RBFOX1: variants seen among roughly 807,000 people sequenced by gnomAD.
RBFOX1 encodes the protein RNA binding fox-1 homolog 1.
Under a neutral mutation model 57.7 loss-of-function variants are expected in RBFOX1, and 8 were observed. The ratio of observed to expected loss-of-function variants is 0.14; its 90% confidence interval spans 0.08 to 0.25. The LOEUF is 0.25. RBFOX1 is among the 10% of genes least tolerant of loss of function. The pLI is 1.00. For synonymous variants in RBFOX1, 326 were observed against 222.4 expected, an observed-to-expected ratio of 1.47 and a Z score of -4.15; for missense variants, 611 against 548.5, an observed-to-expected ratio of 1.11 and a Z score of -1.14.
chr16:5,384,852 A>G (rs1405709616), intron 1 of RBFOX1, among the ~76,000 whole-genome samples: 1 of 152,180 alleles, frequency 6.6e-6, no homozygotes, highest in Non-Finnish European at 1.5e-5. Context: ...TATTCATCGT[A>G]GTGATTCCTA....
At chr16:5,697,657 C>G (rs1469545466) in intron 3 of RBFOX1, among the ~76,000 whole-genome samples, 1 of 151,390 alleles carries the variant, frequency 6.6e-6, no homozygotes. Flanking sequence ...CCTCAGCCCT[C>G]CAAGTAGCTA....
At chr16:7,165,769 C>G (rs1236298954) in intron 4 of RBFOX1, among the ~76,000 whole-genome samples, 2 of 151,994 alleles carry the variant, frequency 1.3e-5, no homozygotes, top group Non-Finnish European at 2.9e-5. Flanking sequence ...TTCTCCAATT[C>G]TTAGACCTGT....
At chr16:6,968,266 T>G (rs1380469410) in intron 3 of RBFOX1, among the ~76,000 whole-genome samples, 1 of 152,238 alleles carries the variant, frequency 6.6e-6, no homozygotes, top group African/African-American at 2.4e-5. Context: ...CCAGGCAAGC[T>G]GTCACTTGGA....
chr16:7,526,289 C>G (rs1289043451), intron 5 of RBFOX1, among the ~76,000 whole-genome samples: 1 of 152,176 alleles, frequency 6.6e-6, no homozygotes, highest in Non-Finnish European at 1.5e-5. Flanking sequence ...CCTAGAGGAT[C>G]TCTTGACCAA....
At chr16:5,983,675 C>A (rs2060219042) in intron 4 of RBFOX1, among the ~76,000 whole-genome samples, 1 of 152,162 alleles carries the variant, frequency 6.6e-6, no homozygotes, top group African/African-American at 2.4e-5. Context: ...CAACCTCCAT[C>A]CTGCTTGGGG....
chr16:6,484,011 G>A (rs1039199290), intron 2 of RBFOX1: 9 of 902,924 alleles, frequency 1.0e-5, no homozygotes, highest in Non-Finnish European at 1.2e-5. Context: ...CACTTGGAGA[G>A]GGCTAGGGGG....
intron 1 of RBFOX1, among the ~76,000 whole-genome samples, chr16:6,022,648 A>T: frequency 6.6e-6 from 1 of 152,194 alleles, no homozygotes; most frequent in East Asian, 1.9e-4. Context: ...ACGCCACTGC[A>T]CTCCAGCCTG....
intron 3 of RBFOX1, among the ~76,000 whole-genome samples, chr16:7,015,075 C>T (rs2093841021): frequency 6.6e-6 from 1 of 152,144 alleles, no homozygotes; most frequent in Non-Finnish European, 1.5e-5. Context: ...TTATCTTTTT[C>T]TTGCATTATG....
intron 2 of RBFOX1, among the ~76,000 whole-genome samples, chr16:6,481,726 A>G (rs991905410): frequency 5.9e-5 from 9 of 152,154 alleles, no homozygotes; most frequent in Non-Finnish European, 1.2e-4. Context: ...AATAGTAGGG[A>G]GTGGAGCATG....
chr16:6,141,686 C>T (rs1192899328), intron 1 of RBFOX1, among the ~76,000 whole-genome samples: 2 of 151,952 alleles, frequency 1.3e-5, no homozygotes, highest in African/African-American at 4.8e-5. Flanking sequence ...AATTCTCTTA[C>T]TGTAATATTA....
intron 3 of RBFOX1, among the ~76,000 whole-genome samples, chr16:6,752,977 A>G (rs973892977): frequency 6.6e-6 from 1 of 152,202 alleles, no homozygotes; most frequent in African/African-American, 2.4e-5. Flanking sequence ...GAGAAGGGAA[A>G]AATACAAATG....
At chr16:6,104,851 T>C (rs1241952851) in intron 1 of RBFOX1, among the ~76,000 whole-genome samples, 1 of 152,240 alleles carries the variant, frequency 6.6e-6, no homozygotes, top group African/African-American at 2.4e-5. Context: ...GACTACTTAT[T>C]ATGAGATTCC....
intron 3 of RBFOX1, among the ~76,000 whole-genome samples, chr16:5,834,661 TG>T (rs1339843767): frequency 2.0e-5 from 3 of 149,348 alleles, no homozygotes; most frequent in Non-Finnish European, 4.5e-5. Context: ...TAACCAGTAG[TG>T]GGATTGCTGG....
intron 3 of RBFOX1, among the ~76,000 whole-genome samples, chr16:6,911,032 C>A (rs187748886): frequency 6.6e-6 from 1 of 151,986 alleles, no homozygotes; most frequent in Non-Finnish European, 1.5e-5. Context: ...GAAACCCCGT[C>A]TCTACCAAAA....
Position 7,139,235 on chromosome 16 carries a change from C to T in RBFOX1, c.27+87137C>T, listed in dbSNP as rs570862933. Among the ~76,000 whole-genome samples the T allele has an allele frequency of 1.8e-3, 257 of 146,536 alleles. 1 individual carries two copies. The highest frequency in any genetic ancestry group is 6.5e-3 in the African/African-American group (251 of 38,552). ...TTGTGTGTGTGTGTGTCTGCTCCTC[C>T]TCTCTTCTCTTTCTTTTTCTATTTT... On this transcript the variant is annotated intron_variant, in intron 4 of 15. Transcript: ENST00000550418.
chr16:7,506,577 CCTT>C (rs200941581), intron 4 of RBFOX1, among the ~76,000 whole-genome samples: 3,566 of 144,922 alleles, frequency 0.025, 68 homozygotes, highest in African/African-American at 0.053. Flanking sequence ...ATTACCATCA[CCTT>C]CATCATCATC....
intron 2 of RBFOX1, among the ~76,000 whole-genome samples, chr16:6,512,848 G>A (rs544910427): frequency 6.6e-6 from 1 of 152,248 alleles, no homozygotes; most frequent in East Asian, 1.9e-4. Context: ...ATCCAATGCT[G>A]GCCCATGAAG....
At chr16:7,286,616 A>ATT (rs61621368) in intron 4 of RBFOX1, among the ~76,000 whole-genome samples, 1,270 of 90,868 alleles carry the variant, frequency 0.014, 33 homozygotes, top group Middle Eastern at 0.032. Flanking sequence ...GGACTGGCTA[A>ATT]TTTTTTTTTT....
chr16:6,346,630 C>T lies in RBFOX1; in HGVS notation c.-64+29573C>T, dbSNP rs78670827. On this transcript the variant is annotated intron_variant, in intron 2 of 15. Transcript: ENST00000550418. The stretch of plus-strand genomic sequence containing the variant: ...CTGGTTCCGATGGCAGCCTGATTCT[C>T]GAATTGTTCCTTGCTCAATTAAACT... Among the ~76,000 whole-genome samples, 303 of 152,308 alleles carry T rather than the reference C, an allele frequency of 2.0e-3. 2 individuals are homozygous for T. Among genetic ancestry groups the T allele is most frequent in the African/African-American group, 6.8e-3 (283 of 41,574 alleles).
Sources: gnomAD v4.1 joint callset for allele counts (sites outside exome capture counted in the v4.1 genomes callset) on GRCh38, gnomAD v4.1.1 for gene constraint, MANE v1.5 for transcripts, NCBI Gene and HGNC (gene_info 2026-07-23, HGNC 2026-07-21) for gene names.